Variants in FBRSL1 observed in about 807,000 individuals in gnomAD.
The protein encoded by FBRSL1 is fibrosin-1-like protein.
FBRSL1 carries 51 observed loss-of-function variants against 89.6 expected under a neutral mutation model. The ratio of observed to expected loss-of-function variants is 0.57; its 90% CI spans 0.45 to 0.72. FBRSL1 has a LOEUF of 0.72. Among genes scored for constraint, FBRSL1 ranks in the 30% least tolerant of loss-of-function variants. The pLI is 0.00. For missense variants in FBRSL1, 1,618 were observed against 1,451.8 expected (o/e 1.11, Z -1.86); for synonymous variants, 779 against 681.1 (o/e 1.14, Z -2.24).
intron 4 of FBRSL1, among the ~76,000 whole-genome samples, chr12:132,535,950 GGTGTGTGAGCACACGTGTGTCCATGA>G: frequency 1.3e-5 from 2 of 151,054 alleles, no homozygotes; most frequent in African/African-American, 2.4e-5. Flanking sequence ...TGTCCATGAT[GGTGTGTGAGCACACGTGTGTCCATGA>G]TGGTGTGAGT....
intron 5 of FBRSL1, chr12:132,551,956 C>T (rs2038209506): frequency 1.1e-5 from 3 of 284,940 alleles, no homozygotes; most frequent in African/African-American, 2.2e-5. Context: ...TCTGGCCCGT[C>T]TGTGGAAGCC....
At chr12:132,581,864 C>T (rs1030424783) in intron 17 of FBRSL1, 40 bp downstream of exon 17, 12 of 1,364,520 alleles carry the variant, frequency 8.8e-6, no homozygotes, top group African/African-American at 2.8e-5. Flanking sequence ...CCGATGCCCG[C>T]GCCCCTCCCC....
At chr12:132,559,590 G>T (rs2038941278) in intron 5 of FBRSL1, among the ~76,000 whole-genome samples, 1 of 152,014 alleles carries the variant, frequency 6.6e-6, no homozygotes, top group African/African-American at 2.4e-5. Context: ...GGCGGGGGTG[G>T]GGGGTCTTCC....
intron 15 of FBRSL1, among the ~76,000 whole-genome samples, chr12:132,578,786 G>A (rs553405116): frequency 2.0e-5 from 3 of 152,254 alleles, no homozygotes; most frequent in Admixed American, 6.5e-5. Flanking sequence ...TTGATGGCAC[G>A]TTGCATGTGG....
At chr12:132,575,182 A>T (rs906944382) in intron 14 of FBRSL1, among the ~76,000 whole-genome samples, 1 of 152,018 alleles carries the variant, frequency 6.6e-6, no homozygotes, top group Admixed American at 6.5e-5. Context: ...CTGAAAAATC[A>T]TTGTCCTAAA....
intron 11 of FBRSL1, among the ~76,000 whole-genome samples, chr12:132,573,433 C>T (rs937480444): frequency 3.3e-5 from 5 of 152,166 alleles, no homozygotes; most frequent in Non-Finnish European, 7.4e-5. Context: ...CCCCAGACCC[C>T]GTGGTTGAGG....
chr12:132,497,981 G>A (rs1191830988), intron 1 of FBRSL1, among the ~76,000 whole-genome samples: 2 of 152,166 alleles, frequency 1.3e-5, no homozygotes, highest in East Asian at 1.9e-4. Context: ...TGAAGTGGTC[G>A]TGTGGCAGCA....
At position 132,582,987 on chromosome 12, in the gene FBRSL1, A is replaced by G. The variant is rs2040886399; in HGVS notation, c.2218A>G (p.Thr740Ala). ...CGCCCCCAGGGACCTCCTGGAGAAG[A>G]CGCGCCTGCTGAGCCGGGCCTCGCC... Reference protein sequence around the residue: ...EEQERDLLEKTRLLSRASPAT... With the variant: ...EEQERDLLEKARLLSRASPAT... The change falls in exon 19 of 19, where the codon ACG becomes GCG. Residue 740 changes from threonine (T) to alanine (A), a missense_variant. Transcript: ENST00000680143. 2.8e-6 allele frequency: 4 copies of G among 1,441,950 alleles called. No homozygotes were observed. Among genetic ancestry groups the G allele is most frequent in the Non-Finnish European group, 3.6e-6 (4 of 1,105,732 alleles). The allele number at this position is 1,441,950 out of a possible 1,614,324, so 89.3% of individuals were successfully genotyped here.
chr12:132,551,370 C>T (rs1013189429), intron 5 of FBRSL1: 2 of 452,792 alleles, frequency 4.4e-6, no homozygotes, highest in South Asian at 3.1e-5. Context: ...CCACAGACAG[C>T]GTCCTGCGTG....
chr12:132,536,762 ATGG>A (rs2036789444), intron 4 of FBRSL1, among the ~76,000 whole-genome samples: 1 of 152,036 alleles, frequency 6.6e-6, no homozygotes, highest in African/African-American at 2.4e-5. Flanking sequence ...TGTGTATATG[ATGG>A]TGTGTGTGAG....
Position 132,578,343 on chromosome 12 carries a change from T to TCACACACACA in FBRSL1, c.1834+1427_1834+1436dup, listed in dbSNP as rs3221291. ...CTGGGCAACAGAGCAAGACCCTGTC[T>TCACACACACA]CACACACACACACACACACACACAA... On this transcript the variant is annotated intron_variant, in intron 15 of 18. Coordinates refer to ENST00000680143, the MANE Select transcript of FBRSL1 (RefSeq NM_001367871.1). Among the ~76,000 whole-genome samples, 393 of 141,108 alleles carry TCACACACACA rather than the reference T, an allele frequency of 2.8e-3. 4 individuals are homozygous for TCACACACACA. The highest frequency in any genetic ancestry group is 0.018 in the Middle Eastern group (5 of 278). 92.6% of individuals were successfully genotyped at this position (141,108 alleles called of 152,430 possible).
intron 2 of FBRSL1, among the ~76,000 whole-genome samples, chr12:132,521,667 T>C (rs1034839217): frequency 4.6e-5 from 7 of 152,072 alleles, no homozygotes; most frequent in African/African-American, 1.7e-4. Flanking sequence ...GTCGCCCTGG[T>C]GTGATCCGAT....
In FBRSL1 at chr12:132,583,424, C is replaced by G; in HGVS notation, c.2655C>G (p.Tyr885Ter). ...AALLEPPERP[Y>*]RDREPHGYSP... The stretch of plus-strand genomic sequence containing the variant: ...TCTTGGAGCCCCCGGAGCGCCCCTA[C>G]CGCGACCGCGAGCCCCACGGCTACA... Residue 885 changes from tyrosine to a stop codon, truncating the protein, a stop_gained, in exon 19 of 19, where the codon TAC (tyrosine) becomes TAG (stop). Coordinates refer to ENST00000680143, the MANE Select transcript of FBRSL1 (RefSeq NM_001367871.1). LOFTEE classifies it high-confidence loss of function. The G allele has an allele frequency of 9.3e-7, 1 of 1,077,000 alleles. No homozygotes were observed. The highest frequency in any genetic ancestry group is 1.1e-6 in the Non-Finnish European group (1 of 887,306). 66.7% of individuals were successfully genotyped at this position (1,077,000 alleles called of 1,614,324 possible). A position where few individuals can be genotyped will look rare whatever the true frequency, so the allele number is the denominator to read the frequency against.
rs2040956348 is a variant in FBRSL1, at chr12:132,583,689, A to G, written c.2920A>G (p.Ser974Gly). The change falls in exon 19 of 19, where the codon AGC becomes GGC. Residue 974 changes from serine to glycine, a missense_variant. Coordinates refer to ENST00000680143, the MANE Select transcript of FBRSL1 (RefSeq NM_001367871.1). Reference sequence around the variant, plus strand: ...CCCCACGCCCCCCGGGCCGCCGCGGAGCCGGACTACTCCGCTGGGGGGCCT... The same window carrying G: ...CCCCACGCCCCCCGGGCCGCCGCGGGGCCGGACTACTCCGCTGGGGGGCCT... The part of the protein sequence containing the change: ...GPPTPPGPPR[S>G]RTTPLGGLGP... 2 of 1,166,944 alleles carry G rather than the reference A, an allele frequency of 1.7e-6. No homozygotes were observed. The highest frequency in any genetic ancestry group is 1.1e-6 in the Non-Finnish European group (1 of 946,332). The allele number at this position is 1,166,944 out of a possible 1,614,324, so 72.3% of individuals were successfully genotyped here. A position where few individuals can be genotyped will look rare whatever the true frequency, so the allele number is the denominator to read the frequency against.
chr12:132,524,364 G>A (rs1235518414), intron 2 of FBRSL1, among the ~76,000 whole-genome samples: 3 of 152,284 alleles, frequency 2.0e-5, no homozygotes, highest in African/African-American at 7.2e-5. Context: ...GACCTCATGG[G>A]CCGGGGGCAT....
chr12:132,510,172 C>T (rs540961585), intron 2 of FBRSL1: 103 of 1,231,424 alleles, frequency 8.4e-5, no homozygotes, highest in African/African-American at 1.9e-4. Context: ...CCCCTGCGGC[C>T]GCTCATGGGC....
At chr12:132,572,479 G>A (rs1279861301) in intron 10 of FBRSL1, 48 bp from the exon 11 acceptor site, 2 of 1,502,770 alleles carry the variant, frequency 1.3e-6, no homozygotes, top group Admixed American at 2.0e-5. Context: ...GGCAGAGGGT[G>A]GGGTGAGGAC....
intron 1 of FBRSL1, chr12:132,507,063 C>A: frequency 2.8e-6 from 1 of 356,648 alleles, no homozygotes; most frequent in Non-Finnish European, 3.9e-6. Context: ...CTGTCGTCTG[C>A]CCTTACCGGA....
chr12:132,577,392 T>C (rs1042441250), intron 15 of FBRSL1, among the ~76,000 whole-genome samples: 1 of 152,162 alleles, frequency 6.6e-6, no homozygotes, highest in Non-Finnish European at 1.5e-5. Flanking sequence ...CAGGAGGAGT[T>C]TGGCCTCTCG....
Sources: allele counts gnomAD v4.1 joint callset (sites outside exome capture counted in the v4.1 genomes callset), GRCh38; gene constraint gnomAD v4.1.1; transcripts MANE v1.5; gene names NCBI Gene and HGNC (gene_info 2026-07-23, HGNC 2026-07-21).